Variants in ABCA10 observed in about 807,000 individuals in gnomAD.
The protein encoded by ABCA10 is ATP binding cassette subfamily A member 10.
A neutral mutation model predicts 187.5 loss-of-function variants in ABCA10; 169 were observed. The ratio of observed to expected loss-of-function variants is 0.90; its 90% CI spans 0.80 to 1.02. The LOEUF is 1.02. Among genes scored for constraint, ABCA10 ranks in the 50% least tolerant of loss-of-function variants. ABCA10 has a pLI of 0.00. For missense variants in ABCA10, 1,727 were observed against 1,812.4 expected, an observed-to-expected ratio of 0.95 and a Z score of 0.86; for synonymous variants, 574 against 601.8, an observed-to-expected ratio of 0.95 and a Z score of 0.68.
At chr17:69,163,556 G>T (rs923651348) in intron 27 of ABCA10, among the ~76,000 whole-genome samples, 1 of 152,142 alleles carries the variant, frequency 6.6e-6, no homozygotes, top group Non-Finnish European at 1.5e-5. Context: ...AACAAATTTA[G>T]AGGTTTCTTC....
Position 69,191,244 on chromosome 17 carries a change from T to C in ABCA10, c.1943A>G (p.Lys648Arg). 6.2e-7 allele frequency: 1 copy of C among 1,604,338 alleles called. No homozygotes were observed. Residue 648 changes from lysine to arginine, a missense_variant, in exon 17 of 39, where the codon AAG becomes AGG. Transcript: ENST00000690296. ...TTTTTCTTCACTTTCTGTTGTTAACTTGGCATCAGGAATGTGCTGCTTAAT... is the reference window on the plus strand; with the variant it reads ...TTTTTCTTCACTTTCTGTTGTTAACCTGGCATCAGGAATGTGCTGCTTAAT... The part of the protein sequence containing the change: ...SLIKQHIPDA[K>R]LTTESEEKLV...
rs759222119 is a variant in ABCA10, at chr17:69,193,902, T to C, written c.1433A>G (p.Asn478Ser). 59 of 1,613,194 alleles carry C rather than the reference T, an allele frequency of 3.7e-5. No individual in the cohort carries two copies. The highest frequency in any genetic ancestry group is 1.1e-4 in the South Asian group (10 of 91,028). Residue 478 changes from asparagine to serine, a missense_variant, in exon 13 of 39, where the codon AAT (asparagine) becomes AGT (serine). By Grantham distance (46) the Asn-to-Ser change is conservative. Transcript: ENST00000690296. ...CACAGTGAGGAAGTCAAATTGAAAA[T>C]TGAACTGTGGACAAAATCCAATATT... The part of the protein sequence containing the change: ...RKNIGFCPQF[N>S]FQFDFLTVRE...
At chr17:69,234,127 A>G (rs2074848703) in intron 1 of ABCA10, 1 of 152,312 alleles carries the variant, frequency 6.6e-6, no homozygotes, top group African/African-American at 2.4e-5. Flanking sequence ...CTCTGCACAG[A>G]TGGGCTAGTT....
intron 9 of ABCA10, among the ~76,000 whole-genome samples, chr17:69,204,914 A>G (rs1437312095): frequency 6.6e-6 from 1 of 152,250 alleles, no homozygotes; most frequent in Non-Finnish European, 1.5e-5. Flanking sequence ...AAATGGCTTG[A>G]GGCCAGGAGT....
intron 9 of ABCA10, among the ~76,000 whole-genome samples, chr17:69,207,224 G>A (rs1285931383): frequency 1.3e-5 from 2 of 152,108 alleles, no homozygotes; most frequent in South Asian, 2.1e-4. Flanking sequence ...GGATGCTATC[G>A]AAAAGATGAA....
chr17:69,238,872 C>T (rs2074887719), intron 1 of ABCA10, among the ~76,000 whole-genome samples: 1 of 152,184 alleles, frequency 6.6e-6, no homozygotes, highest in African/African-American at 2.4e-5. Flanking sequence ...ACCTTCTGAT[C>T]ACCCATCATT....
intron 27 of ABCA10, among the ~76,000 whole-genome samples, chr17:69,157,419 T>C (rs2074182922): frequency 6.6e-6 from 1 of 152,160 alleles, no homozygotes; most frequent in Admixed American, 6.5e-5. Flanking sequence ...AGGGTTATAT[T>C]TTTAGTGAGG....
chr17:69,208,730 T>G (rs2074612281), intron 9 of ABCA10, among the ~76,000 whole-genome samples: 1 of 152,112 alleles, frequency 6.6e-6, no homozygotes, highest in South Asian at 2.1e-4. Context: ...ACCAATTAGT[T>G]GAAGGACACT....
intron 18 of ABCA10, 98 bp downstream of exon 18, chr17:69,190,260 T>C (rs2074449932): frequency 1.5e-6 from 2 of 1,326,464 alleles, no homozygotes; most frequent in Non-Finnish European, 2.0e-6. Flanking sequence ...ATATTATAGG[T>C]AGAAATCCAC....
At chr17:69,212,339 C>T (rs2074667418) in intron 9 of ABCA10, among the ~76,000 whole-genome samples, 1 of 152,102 alleles carries the variant, frequency 6.6e-6, no homozygotes, top group African/African-American at 2.4e-5. Context: ...TGGTCTGAGA[C>T]AGTGCTTGAT....
At chr17:69,222,849 ATTGTT>A (rs767842077) in intron 3 of ABCA10, 152 bp from the exon 4 acceptor site, 10 of 666,422 alleles carry the variant, frequency 1.5e-5, no homozygotes, top group East Asian at 6.7e-5. Context: ...GAGTGAAACT[ATTGTT>A]TTAAGTTCAA....
At position 69,193,982 on chromosome 17, in the gene ABCA10, G is replaced by T; in HGVS notation, c.1353C>A (p.Ala451=). The change falls in exon 13 of 39, where the codon GCC becomes GCA. Residue 451 remains alanine, a synonymous_variant. Transcript: ENST00000690296. The part of the protein sequence containing the change: ...SGLSVSTEGS[A]TIYNTQLSEI... ...CAGAGAGTTGAGTATTATAAATAGT[G>T]GCTGATCCTATAAATAGAAATTTAA... is the stretch of plus-strand genomic sequence containing the variant. The T allele has an allele frequency of 6.3e-7, 1 of 1,591,640 alleles. No individual in the cohort carries two copies. Among genetic ancestry groups the T allele is most frequent in the East Asian group, 2.2e-5 (1 of 44,492 alleles).
intron 11 of ABCA10, among the ~76,000 whole-genome samples, 169 bp downstream of exon 11, chr17:69,196,895 C>T (rs904631923): frequency 6.6e-6 from 1 of 152,080 alleles, no homozygotes; most frequent in Non-Finnish European, 1.5e-5. Context: ...CGCCTGCAAT[C>T]CCAGGCACTC....
intron 27 of ABCA10, among the ~76,000 whole-genome samples, chr17:69,160,188 G>T (rs965646592): frequency 6.6e-6 from 1 of 152,122 alleles, no homozygotes; most frequent in Non-Finnish European, 1.5e-5. Flanking sequence ...ATGGTGAAAA[G>T]ATAACCTACA....
intron 5 of ABCA10, among the ~76,000 whole-genome samples, 196 bp downstream of exon 5, chr17:69,221,596 G>T (rs1436070450): frequency 1.3e-5 from 2 of 152,104 alleles, no homozygotes; most frequent in East Asian, 1.9e-4. Flanking sequence ...TGTGTAGGGG[G>T]TCATAGGTCT....
intron 9 of ABCA10, among the ~76,000 whole-genome samples, chr17:69,205,651 G>A (rs865804313): frequency 9.9e-5 from 15 of 152,208 alleles, no homozygotes; most frequent in African/African-American, 2.9e-4. Flanking sequence ...CCTCTAAGAT[G>A]TGTGTTCTGG....
At chr17:69,179,933 C>T (rs1248658488) in intron 22 of ABCA10, among the ~76,000 whole-genome samples, 1 of 152,106 alleles carries the variant, frequency 6.6e-6, no homozygotes, top group Non-Finnish European at 1.5e-5. Context: ...TCTGAAAAAT[C>T]CGAAAGCCCT....
intron 28 of ABCA10, among the ~76,000 whole-genome samples, chr17:69,156,506 C>G (rs1252228156): frequency 1.3e-5 from 2 of 152,026 alleles, no homozygotes; most frequent in African/African-American, 4.8e-5. Context: ...GTAGTAAATC[C>G]ATTTTAATAA....
At chr17:69,182,915 A>G (rs2144790923) in intron 20 of ABCA10, 107 bp from the exon 21 acceptor site, 1 of 1,383,484 alleles carries the variant, frequency 7.2e-7, no homozygotes, top group Non-Finnish European at 9.8e-7. Context: ...AAAAACCCAG[A>G]ATAGCTTAGT....
Sources: allele counts gnomAD v4.1 joint callset (sites outside exome capture counted in the v4.1 genomes callset), GRCh38; gene constraint gnomAD v4.1.1; transcripts MANE v1.5; gene names NCBI Gene and HGNC (gene_info 2026-07-23, HGNC 2026-07-21).